Variants in ACOT11 observed in about 807,000 individuals in gnomAD.
ACOT11 encodes acyl-coenzyme A thioesterase 11.
ACOT11 carries 69 observed loss-of-function variants against 77.5 expected under a neutral mutation model. That is an observed-to-expected ratio of 0.89 (90% CI 0.73 to 1.09). The LOEUF (loss-of-function observed/expected upper bound fraction) is 1.09. Among genes scored for constraint, ACOT11 ranks in the 50% least tolerant of loss-of-function variants. The probability of loss-of-function intolerance (pLI) is 0.00; values close to 1 mark genes in which losing one functional copy is unlikely to be tolerated. For missense variants in ACOT11, 766 were observed against 813.7 expected, an observed-to-expected ratio of 0.94 and a Z score of 0.71; for synonymous variants, 279 against 313.0, an observed-to-expected ratio of 0.89 and a Z score of 1.15.
chr1:54,573,293 C>T, intron 1 of ACOT11: 2 of 950,710 alleles, frequency 2.1e-6, no homozygotes, highest in Non-Finnish European at 2.5e-6. Flanking sequence ...TGTCTCAGCT[C>T]TGCCCTTTCC....
intron 15 of ACOT11, among the ~76,000 whole-genome samples, chr1:54,615,853 G>A (rs1056567254): frequency 1.3e-5 from 2 of 152,152 alleles, no homozygotes; most frequent in Admixed American, 6.5e-5. Context: ...TCCCCATCTC[G>A]CCTAGTCCTC....
chr1:54,572,032 G>A (rs1020255651), intron 1 of ACOT11, among the ~76,000 whole-genome samples: 2 of 152,006 alleles, frequency 1.3e-5, no homozygotes, highest in Non-Finnish European at 2.9e-5. Context: ...AATTTGGCCA[G>A]GGGAGGGCAG....
intron 3 of ACOT11, among the ~76,000 whole-genome samples, chr1:54,586,560 T>C (rs1226701415): frequency 3.3e-5 from 5 of 151,616 alleles, no homozygotes; most frequent in Non-Finnish European, 7.4e-5. Context: ...GCCTCACGAG[T>C]AGCTGGGATT....
chr1:54,561,716 C>T (rs1450551378), intron 1 of ACOT11, among the ~76,000 whole-genome samples: 1 of 129,910 alleles, frequency 7.7e-6, no homozygotes, highest in Admixed American at 7.1e-5. Flanking sequence ...GACGGGGCGG[C>T]TGGCCGGGCA....
chr1:54,590,422 G>A (rs750100720), intron 3 of ACOT11, among the ~76,000 whole-genome samples: 1 of 152,166 alleles, frequency 6.6e-6, no homozygotes, highest in African/African-American at 2.4e-5. Flanking sequence ...CCTGGGGAAG[G>A]ATCCGGTTTG....
chr1:54,592,418 G>C (rs554109201), intron 3 of ACOT11, 128 bp from the exon 4 acceptor site: 2 of 849,594 alleles, frequency 2.4e-6, no homozygotes, highest in Admixed American at 5.0e-5. Flanking sequence ...TCGCAGATGT[G>C]AATATGCCCT....
intron 15 of ACOT11, among the ~76,000 whole-genome samples, 192 bp from the exon 16 acceptor site, chr1:54,608,765 G>A (rs1381465545): frequency 6.6e-6 from 1 of 152,108 alleles, no homozygotes; most frequent in Non-Finnish European, 1.5e-5. Flanking sequence ...AAGGGTTGGG[G>A]GAGATCAGCT....
intron 8 of ACOT11, among the ~76,000 whole-genome samples, chr1:54,600,621 T>C (rs892967343): frequency 3.9e-5 from 6 of 152,146 alleles, no homozygotes; most frequent in African/African-American, 1.4e-4. Context: ...AGGCGGAGGT[T>C]GCAGTGAGCC....
intron 1 of ACOT11, among the ~76,000 whole-genome samples, chr1:54,550,256 C>G (rs1442806762): frequency 6.6e-6 from 1 of 152,206 alleles, no homozygotes; most frequent in African/African-American, 2.4e-5. Flanking sequence ...AGCTGGCATT[C>G]AGCTTCCTTG....
At chr1:54,604,540 A>G in intron 12 of ACOT11, 111 bp downstream of exon 12, 1 of 1,051,060 alleles carries the variant, frequency 9.5e-7, no homozygotes, top group Non-Finnish European at 1.4e-6. Flanking sequence ...ATCTCTTCAA[A>G]GAATTGGGTG....
chr1:54,577,627 G>A (rs504344), intron 1 of ACOT11, among the ~76,000 whole-genome samples: 9,213 of 151,382 alleles, frequency 0.061, 897 homozygotes, highest in African/African-American at 0.21. Flanking sequence ...TGCTATGAAC[G>A]TGTATGTGCA....
chr1:54,590,472 A>G (rs186900849), intron 3 of ACOT11, among the ~76,000 whole-genome samples: 35 of 152,126 alleles, frequency 2.3e-4, no homozygotes, highest in African/African-American at 8.2e-4. Flanking sequence ...AGGAAGGAGG[A>G]GGAGCTTAGA....
intron 10 of ACOT11, 44 bp from the exon 11 acceptor site, chr1:54,603,827 T>C: frequency 6.3e-7 from 1 of 1,593,912 alleles, no homozygotes; most frequent in South Asian, 1.1e-5. Context: ...TGGAAAGTGC[T>C]GAACTTCCAG....
At chr1:54,614,585 G>T, downstream of ACOT11, 1 of 1,072,282 alleles carries the variant, frequency 9.3e-7, no homozygotes. Context: ...TCAGAGGTGA[G>T]GCTATATATA....
chr1:54,611,762 T>C, downstream of ACOT11: 1 of 1,613,766 alleles, frequency 6.2e-7, no homozygotes, highest in Non-Finnish European at 8.5e-7. Flanking sequence ...ACACGAGAGC[T>C]GGCTCAGTGC....
At position 54,607,190 on chromosome 1, in the gene ACOT11, G is replaced by A. The variant is rs1428029528; in HGVS notation, c.1427G>A (p.Ser476Asn). Residue 476 changes from serine (S) to asparagine (N), a missense_variant, in exon 14 of 16, where the codon AGC becomes AAC. Ser to Asn is a conservative substitution (Grantham distance 46). Coordinates refer to ENST00000343744, the MANE Select transcript of ACOT11 (RefSeq NM_147161.4). The surrounding 1 kb of genome is among the most constrained non-coding windows in gnomAD (Gnocchi z 4.5). ...DEDDAIYHVT[S>N]PALGGHTKPQ... Reference sequence around the variant, plus strand: ...GACGACGCCATCTACCACGTCACCAGCCCTGCCCTCGGAGGTCACACAAAG... The same window carrying A: ...GACGACGCCATCTACCACGTCACCAACCCTGCCCTCGGAGGTCACACAAAG... 5 of 1,614,076 alleles carry A rather than the reference G, an allele frequency of 3.1e-6. No individual in the cohort carries two copies. In the African/African-American group the frequency reaches 4.0e-5, roughly 13 times the overall value.
intron 1 of ACOT11, among the ~76,000 whole-genome samples, chr1:54,579,731 G>C (rs1411136207): frequency 1.3e-5 from 2 of 152,244 alleles, no homozygotes; most frequent in Non-Finnish European, 2.9e-5. Flanking sequence ...TACCTTGTGA[G>C]AGGCAGGGGC....
chr1:54,564,258 TAAAATAAA>T (rs1270020074), intron 1 of ACOT11, among the ~76,000 whole-genome samples: 1 of 151,454 alleles, frequency 6.6e-6, no homozygotes, highest in Non-Finnish European at 1.5e-5. Context: ...AAAGAAAAAA[TAAAATAAA>T]AAAAGAAAAA....
chr1:54,585,753 G>T (rs1654476833), intron 2 of ACOT11, 82 bp from the exon 3 acceptor site: 1 of 1,453,952 alleles, frequency 6.9e-7, no homozygotes, highest in Non-Finnish European at 9.5e-7. Context: ...GGCTGGAGAA[G>T]CCTCCTGAGG....
Sources: gnomAD v4.1 joint callset for allele counts (sites outside exome capture counted in the v4.1 genomes callset) on GRCh38, gnomAD v4.1.1 for gene constraint, Gnocchi (gnomAD v3.1) non-coding constraint, MANE v1.5 for transcripts, NCBI Gene and HGNC (gene_info 2026-07-23, HGNC 2026-07-21) for gene names.